Variants in LRRIQ3 observed in about 807,000 individuals in gnomAD.
LRRIQ3 encodes the protein leucine rich repeats and IQ motif containing 3, also known as leucine-rich repeat and IQ domain-containing protein 3.
LRRIQ3 carries 75 observed loss-of-function variants against 59.3 expected under a neutral mutation model. The observed-to-expected ratio is 1.26, with a 90% CI of 1.05 to 1.53. The LOEUF is 1.53. LRRIQ3 is among the 40% of genes most tolerant of loss of function. LRRIQ3 has a pLI of 0.00. For missense variants in LRRIQ3, 831 were observed against 710.0 expected (o/e 1.17, Z -1.94); for synonymous variants, 250 against 231.3 (o/e 1.08, Z -0.73).
At chr1:74,069,221 G>A (rs1654951533) in intron 6 of LRRIQ3, among the ~76,000 whole-genome samples, 1 of 151,968 alleles carries the variant, frequency 6.6e-6, no homozygotes, top group Non-Finnish European at 1.5e-5. Context: ...AAATATGAAT[G>A]GTCCTTGAAA....
chr1:74,056,780 C>G (rs1027478007), intron 6 of LRRIQ3, among the ~76,000 whole-genome samples: 1 of 152,100 alleles, frequency 6.6e-6, no homozygotes, highest in Admixed American at 6.6e-5. Flanking sequence ...GTTAAAATGT[C>G]CATACTACCC....
At chr1:74,141,677 A>T (rs778573412) in intron 4 of LRRIQ3, among the ~76,000 whole-genome samples, 1 of 151,894 alleles carries the variant, frequency 6.6e-6, no homozygotes, top group Non-Finnish European at 1.5e-5. Flanking sequence ...TTTGATAAAA[A>T]ATGTTCTGAT....
intron 7 of LRRIQ3, among the ~76,000 whole-genome samples, chr1:74,040,097 A>G (rs1278696537): frequency 6.6e-6 from 1 of 152,112 alleles, no homozygotes; most frequent in Non-Finnish European, 1.5e-5. Flanking sequence ...AACATTTACC[A>G]AGCAAATGGA....
intron 5 of LRRIQ3, among the ~76,000 whole-genome samples, chr1:74,099,422 C>T (rs1166866958): frequency 2.0e-5 from 3 of 152,096 alleles, no homozygotes; most frequent in East Asian, 1.9e-4. Flanking sequence ...TAATAGCCTA[C>T]CAACCAAAAA....
At chr1:74,161,829 A>G (rs1315488943) in intron 3 of LRRIQ3, among the ~76,000 whole-genome samples, 1 of 151,914 alleles carries the variant, frequency 6.6e-6, no homozygotes, top group African/African-American at 2.4e-5. Flanking sequence ...CTGATGTCAT[A>G]AAACAATGAT....
chr1:74,049,675 T>C (rs775689235), intron 6 of LRRIQ3, among the ~76,000 whole-genome samples: 1 of 152,206 alleles, frequency 6.6e-6, no homozygotes, highest in African/African-American at 2.4e-5. Context: ...TATTTTTATA[T>C]GTATTACTGT....
chr1:74,196,782 C>G (rs891975233), intron 1 of LRRIQ3, among the ~76,000 whole-genome samples: 3 of 152,174 alleles, frequency 2.0e-5, no homozygotes, highest in Admixed American at 1.3e-4. Flanking sequence ...CCCACTGCTA[C>G]CATCCTGGTC....
At chr1:74,044,049 T>G (rs539570769) in intron 6 of LRRIQ3, among the ~76,000 whole-genome samples, 1 of 152,302 alleles carries the variant, frequency 6.6e-6, no homozygotes, top group East Asian at 1.9e-4. Context: ...CTATCACATA[T>G]GTTTTTCCTG....
At chr1:74,060,240 T>TTCC (rs1388787477) in intron 6 of LRRIQ3, among the ~76,000 whole-genome samples, 1 of 115,344 alleles carries the variant, frequency 8.7e-6, no homozygotes, top group Non-Finnish European at 1.9e-5. Flanking sequence ...CTTCTTCTTC[T>TTCC]TCTTCTTCTT....
intron 5 of LRRIQ3, among the ~76,000 whole-genome samples, chr1:74,088,505 C>G (rs888317587): frequency 6.6e-6 from 1 of 151,792 alleles, no homozygotes; most frequent in Non-Finnish European, 1.5e-5. Context: ...ACTTAGAGTC[C>G]AGGAATAAAT....
chr1:74,088,129 T>A lies in LRRIQ3; in HGVS notation c.868-13339A>T, dbSNP rs565965866. Among the ~76,000 whole-genome samples the A allele has an allele frequency of 2.0e-5, 3 of 151,942 alleles. No homozygotes were observed. The East Asian group carries it at 5.8e-4, about 30-fold the overall frequency. ...AAAAAACAAAACAAAAAAAAACAAT[T>A]GTCTCTCAGATATTTGAATATTCTT... On this transcript the variant is annotated intron_variant, in intron 5 of 7. Coordinates refer to ENST00000354431, the MANE Select transcript of LRRIQ3 (RefSeq NM_001105659.2).
intron 6 of LRRIQ3, among the ~76,000 whole-genome samples, chr1:74,060,459 AT>A (rs1654690849): frequency 6.6e-6 from 1 of 151,038 alleles, no homozygotes; most frequent in African/African-American, 2.4e-5. Flanking sequence ...GTATTTTTGC[AT>A]TTTTAATACA....
chr1:74,163,185 A>C (rs1315369808), intron 3 of LRRIQ3, among the ~76,000 whole-genome samples: 1 of 151,586 alleles, frequency 6.6e-6, no homozygotes, highest in Non-Finnish European at 1.5e-5. Flanking sequence ...GAAAAGTGTA[A>C]AACATACCAA....
intron 5 of LRRIQ3, among the ~76,000 whole-genome samples, chr1:74,088,195 T>G: frequency 6.6e-6 from 1 of 152,138 alleles, no homozygotes; most frequent in Non-Finnish European, 1.5e-5. Flanking sequence ...CCACATAGAT[T>G]TCTATCCATT....
At chr1:74,063,809 T>C (rs1478267860) in intron 6 of LRRIQ3, among the ~76,000 whole-genome samples, 1 of 151,816 alleles carries the variant, frequency 6.6e-6, no homozygotes, top group Non-Finnish European at 1.5e-5. Context: ...CTTTAAAAAG[T>C]ATGTAGGTAG....
intron 1 of LRRIQ3, among the ~76,000 whole-genome samples, chr1:74,192,513 A>T (rs1164572267): frequency 1.3e-5 from 2 of 152,240 alleles, no homozygotes; most frequent in East Asian, 3.9e-4. Flanking sequence ...TCAATATTTT[A>T]AAATCTTCTC....
chr1:74,128,385 G>T (rs531301646), intron 4 of LRRIQ3, among the ~76,000 whole-genome samples: 10 of 152,130 alleles, frequency 6.6e-5, no homozygotes, highest in Admixed American at 1.3e-4. Context: ...GTAAGAGACC[G>T]ATTTACTCTT....
intron 4 of LRRIQ3, among the ~76,000 whole-genome samples, chr1:74,115,912 A>G (rs1646770649): frequency 6.6e-6 from 1 of 152,124 alleles, no homozygotes; most frequent in South Asian, 2.1e-4. Context: ...AAGAAAAACA[A>G]GACTTGATGA....
intron 1 of LRRIQ3, among the ~76,000 whole-genome samples, chr1:74,186,414 T>G (rs1269898930): frequency 6.6e-6 from 1 of 152,188 alleles, no homozygotes; most frequent in African/African-American, 2.4e-5. Context: ...TTTTCCAAAA[T>G]GAGAGGTTCT....
Sources: gnomAD v4.1 joint callset for allele counts (sites outside exome capture counted in the v4.1 genomes callset) on GRCh38, gnomAD v4.1.1 for gene constraint, MANE v1.5 for transcripts, NCBI Gene and HGNC (gene_info 2026-07-23, HGNC 2026-07-21) for gene names.